SPAG5: variants seen among roughly 807,000 people sequenced by gnomAD.
The protein encoded by SPAG5 is sperm-associated antigen 5.
Under a neutral mutation model 145.4 loss-of-function variants are expected in SPAG5, and 99 were observed. The ratio of observed to expected loss-of-function variants is 0.68; its 90% CI spans 0.58 to 0.80. The LOEUF is 0.80. Ranked by LOEUF, SPAG5 falls within the 30% of genes least tolerant of loss-of-function variation. The pLI, the probability that SPAG5 is intolerant of heterozygous loss-of-function variation, is 0.00. For missense variants in SPAG5, 1,192 were observed against 1,416.0 expected, an observed-to-expected ratio of 0.84 and a Z score of 2.54; for synonymous variants, 477 against 525.4, an observed-to-expected ratio of 0.91 and a Z score of 1.26.
intron 6 of SPAG5, 22 bp downstream of exon 6, chr17:28,586,068 C>T (rs776556478): frequency 1.2e-6 from 2 of 1,613,358 alleles, no homozygotes; most frequent in Non-Finnish European, 1.7e-6. Context: ...CAGGCCTCCA[C>T]CTCCATCTTC....
At chr17:28,583,828 A>G in intron 14 of SPAG5, 25 bp downstream of exon 14, 1 of 1,594,034 alleles carries the variant, frequency 6.3e-7, no homozygotes, top group Non-Finnish European at 8.6e-7. Flanking sequence ...ACTTAGGGGG[A>G]AGTACAGAAA....
chr17:28,581,805 G>A (rs1458234414), intron 15 of SPAG5, among the ~76,000 whole-genome samples: 5 of 152,206 alleles, frequency 3.3e-5, no homozygotes, highest in Non-Finnish European at 7.3e-5. Context: ...CCGTCTGGGT[G>A]TCTGAGTTGT....
At chr17:28,597,694 A>G (rs2070676331) in intron 2 of SPAG5, among the ~76,000 whole-genome samples, 1 of 152,208 alleles carries the variant, frequency 6.6e-6, no homozygotes, top group Non-Finnish European at 1.5e-5. Context: ...AAAATAATTC[A>G]TATGCATGAA....
In SPAG5 at chr17:28,598,912, G is replaced by A; in HGVS notation, c.35C>T (p.Ser12Leu). 1.2e-6 allele frequency: 2 copies of A among 1,613,960 alleles called. No individual in the cohort carries two copies. The highest frequency in any genetic ancestry group is 1.7e-6 in the Non-Finnish European group (2 of 1,179,980). ...CCCGCTTACCGTCTGGGGCGAAGGCGACAGGCTGAGGCTCAGTTTTTTCAC... is the reference window on the plus strand; with the variant it reads ...CCCGCTTACCGTCTGGGGCGAAGGCAACAGGCTGAGGCTCAGTTTTTTCAC... ...WRVKKLSLSL[S>L]PSPQTGKPSM... The change falls in exon 1 of 24, where the codon TCG becomes TTG. Residue 12 changes from serine (S) to leucine (L), a missense_variant. Physicochemically the swap from Ser to Leu is moderately radical, Grantham distance 145. Around this residue, in one of 5 missense-constraint regions of SPAG5, gnomAD observed 329 missense variants for 354.0 expected, o/e 0.93. Coordinates refer to ENST00000321765, the MANE Select transcript of SPAG5 (RefSeq NM_006461.4).
At chr17:28,595,199 A>G (rs996348864) in intron 2 of SPAG5, among the ~76,000 whole-genome samples, 3 of 150,298 alleles carry the variant, frequency 2.0e-5, no homozygotes, top group Admixed American at 1.3e-4. Context: ...CAGAGGTTGC[A>G]GTGAGCCAAG....
chr17:28,593,371 G>A (rs2070638305), intron 2 of SPAG5, among the ~76,000 whole-genome samples: 1 of 152,102 alleles, frequency 6.6e-6, no homozygotes, highest in South Asian at 2.1e-4. Context: ...GAACTCTAAC[G>A]CACTTCTAGA....
rs779591777 is a variant in SPAG5 at position 28,591,778 on chromosome 17, G to A, written c.1357C>T (p.Arg453Trp). 24 of 1,614,032 alleles carry A rather than the reference G, an allele frequency of 1.5e-5. No individual in the cohort carries two copies. Among genetic ancestry groups the A allele is most frequent in the East Asian group, 1.1e-4 (5 of 44,886 alleles). Reference sequence around the variant, plus strand: ...ACAGCCAGCTGGCTCTTCCAGTCCCGAAGCTGGCGGGAGAGAACCTCCAGA... The same window carrying A: ...ACAGCCAGCTGGCTCTTCCAGTCCCAAAGCTGGCGGGAGAGAACCTCCAGA... ...VILEVLSRQL[R>W]DWKSQLAVPH... Residue 453 changes from arginine to tryptophan, a missense_variant, in exon 4 of 24, where the codon CGG (arginine) becomes TGG (tryptophan). This residue lies in a region of SPAG5 where 125 missense variants were observed against 143.8 expected (regional missense o/e 0.87). Transcript: ENST00000321765.
chr17:28,591,821 C>G lies in SPAG5; in HGVS notation c.1314G>C (p.Leu438=), dbSNP rs367738108. 3.6e-4 allele frequency: 584 copies of G among 1,614,096 alleles called. No homozygotes were observed. Among genetic ancestry groups the G allele is most frequent in the Non-Finnish European group, 4.7e-4 (556 of 1,180,022 alleles). Residue 438 remains leucine (L), a synonymous_variant, in exon 4 of 24, where the codon CTG becomes CTC. Coordinates refer to ENST00000321765, the MANE Select transcript of SPAG5 (RefSeq NM_006461.4). Reference sequence around the variant, plus strand: ...CCTCCAGAATGACAAGAGAGCTCAGCAGGTTATCTTCCAAGTCATGTCGAG... The same window carrying G: ...CCTCCAGAATGACAAGAGAGCTCAGGAGGTTATCTTCCAAGTCATGTCGAG... The part of the protein sequence containing the change: ...ALSRHDLEDN[L]LSSLVILEVL...
chr17:28,577,692 C>T lies in SPAG5; in HGVS notation c.*7G>A. On this transcript the variant is annotated 3_prime_UTR_variant, in exon 24 of 24. Transcript: ENST00000321765. Reference sequence around the variant, plus strand: ...AAGAGGTGAAGCAGATTCTGGCTTTCAGTTTCTTAGCTCAGAAATTCCAGC... The same window carrying T: ...AAGAGGTGAAGCAGATTCTGGCTTTTAGTTTCTTAGCTCAGAAATTCCAGC... The T allele has an allele frequency of 6.2e-7, 1 of 1,609,766 alleles. No homozygotes were observed. Among genetic ancestry groups the T allele is most frequent in the Non-Finnish European group, 8.5e-7 (1 of 1,175,964 alleles).
Position 28,598,521 on chromosome 17 carries a change from G to T in SPAG5, c.166C>A (p.Leu56Met). ...CAGGCGAATCTCACCTGCAGCCCCA[G>T]CTTGCACAGTGATGGGGTCAGCGAG... The part of the protein sequence containing the change: ...CSSLTPSLCK[L>M]GLQEGSNNSS... Residue 56 changes from leucine to methionine, a missense_variant, in exon 2 of 24, where the codon CTG becomes ATG. Transcript: ENST00000321765. 2 of 1,613,676 alleles carry T rather than the reference G, an allele frequency of 1.2e-6. No individual in the cohort carries two copies. The highest frequency in any genetic ancestry group is 1.7e-6 in the Non-Finnish European group (2 of 1,179,940).
chr17:28,598,318 T>G lies in SPAG5; in HGVS notation c.177+192A>C, dbSNP rs2070682856. On this transcript the variant is annotated intron_variant, in intron 2 of 23. Transcript: ENST00000321765. ...ATAAAAACTAACAGCTAAACAGAGA[T>G]TCAAGTTCTCACTGGATTTCCTTTA... The G allele has an allele frequency of 7.0e-6, 4 of 569,216 alleles. 1 individual carries two copies. The South Asian group carries it at 7.2e-5, about 10-fold the overall frequency. The allele number at this position is 569,216 out of a possible 1,614,324, so 35.3% of individuals were successfully genotyped here. A position where few individuals can be genotyped will look rare whatever the true frequency, so the allele number is the denominator to read the frequency against.
At chr17:28,596,538 C>A (rs901258663) in intron 2 of SPAG5, among the ~76,000 whole-genome samples, 1 of 151,158 alleles carries the variant, frequency 6.6e-6, no homozygotes, top group African/African-American at 2.4e-5. Context: ...CATGGTGGCA[C>A]GTGCCTATAA....
At chr17:28,580,921 G>A (rs1389245854) in intron 15 of SPAG5, 1 of 152,180 alleles carries the variant, frequency 6.6e-6, no homozygotes, top group Admixed American at 6.5e-5. Flanking sequence ...TGCCTGTGAA[G>A]AATCTACCAG....
At chr17:28,578,126 A>G (rs2070519279) in intron 22 of SPAG5, 36 bp from the exon 23 acceptor site, 3 of 1,611,288 alleles carry the variant, frequency 1.9e-6, no homozygotes, top group Non-Finnish European at 1.7e-6. Flanking sequence ...TCCTATGCAT[A>G]AAAGAGCAAA....
At chr17:28,582,547 A>G (rs572692070) in intron 15 of SPAG5, among the ~76,000 whole-genome samples, 1 of 152,242 alleles carries the variant, frequency 6.6e-6, no homozygotes, top group African/African-American at 2.4e-5. Flanking sequence ...GTCCATGCAG[A>G]CCTCTACCAT....
rs1567624167 is a variant in SPAG5 at position 28,584,416 on chromosome 17, C to T, written c.2226G>A (p.Gln742=). The change falls in exon 12 of 24, where the codon CAG becomes CAA. Residue 742 remains glutamine (Q), a synonymous_variant. Coordinates refer to ENST00000321765, the MANE Select transcript of SPAG5 (RefSeq NM_006461.4). ...MDSQLKELQS[Q]HTHCAQDLAM... is the part of the protein sequence containing the mutation. Reference sequence around the variant, plus strand: ...CCAGGTCCTGGGCACAATGGGTATGCTGACTCTGTAGCTCTTTTAGCTGGC... The same window carrying T: ...CCAGGTCCTGGGCACAATGGGTATGTTGACTCTGTAGCTCTTTTAGCTGGC... 1 of 1,614,178 alleles carries T rather than the reference C, an allele frequency of 6.2e-7. No individual in the cohort carries two copies. The highest frequency in any genetic ancestry group is 2.2e-5 in the East Asian group (1 of 44,890).
intron 11 of SPAG5, 23 bp downstream of exon 11, chr17:28,584,629 T>G: frequency 1.3e-6 from 2 of 1,547,356 alleles, no homozygotes; most frequent in Non-Finnish European, 1.8e-6. Flanking sequence ...CATGCATGCA[T>G]ACACACACAC....
At position 28,584,682 on chromosome 17, in the gene SPAG5, G is replaced by A. The variant is rs893803800; in HGVS notation, c.2131C>T (p.Leu711=). 6.2e-7 allele frequency: 1 copy of A among 1,614,108 alleles called. No homozygotes were observed. Among genetic ancestry groups the A allele is most frequent in the Non-Finnish European group, 8.5e-7 (1 of 1,179,984 alleles). The part of the protein sequence containing the change: ...LEECKGQTEQ[L]ELENSRLATD... ...GCTAGACGACTGTTTTCCAACTCCA[G>A]TTGTTCTGTTTGGCCTTTGCACTCC... Residue 711 remains leucine, a synonymous_variant, in exon 11 of 24, where the codon CTG becomes TTG. Coordinates refer to ENST00000321765, the MANE Select transcript of SPAG5 (RefSeq NM_006461.4).
chr17:28,584,813 C>G lies in SPAG5; in HGVS notation c.2068-68G>C, dbSNP rs143791915. On this transcript the variant is annotated intron_variant, in intron 10 of 23. Transcript: ENST00000321765. ...TCAATAATCCCAGGACTTGGTCCAG[C>G]TTCTCTTTCTGGACAAGACAGAAAA... The G allele has an allele frequency of 6.1e-3, 7,589 of 1,235,140 alleles. 55 individuals are homozygous for G. The highest frequency in any genetic ancestry group is 5.4e-3 in the Non-Finnish European group (4,528 of 835,896). The allele number at this position is 1,235,140 out of a possible 1,614,324, so 76.5% of individuals were successfully genotyped here.
Sources: allele counts gnomAD v4.1 joint callset (sites outside exome capture counted in the v4.1 genomes callset), GRCh38; gene constraint gnomAD v4.1.1; regional missense constraint gnomAD v4.1.1; transcripts MANE v1.5; gene names NCBI Gene and HGNC (gene_info 2026-07-23, HGNC 2026-07-21).